The following NPAS3 variants were observed in gnomAD, a reference collection of about 807,000 sequenced individuals.
NPAS3 encodes the protein neuronal PAS domain-containing protein 3.
In NPAS3, 14 loss-of-function variants were observed where a neutral mutation model predicts 73.1. The observed-to-expected ratio is 0.19, with a 90% CI of 0.13 to 0.30. The LOEUF is 0.30. NPAS3 is among the 10% of genes least tolerant of loss of function. The probability of loss-of-function intolerance (pLI) is 1.00; values close to 1 mark genes in which losing one functional copy is unlikely to be tolerated. For missense variants in NPAS3, 1,096 were observed against 1,250.0 expected (o/e 0.88, Z 1.86); for synonymous variants, 620 against 541.5 (o/e 1.14, Z -2.01).
chr14:33,799,885 C>T (rs746274027), exon 12 of NPAS3: 5 of 1,614,078 alleles, frequency 3.1e-6, no homozygotes, highest in Non-Finnish European at 4.2e-6. Flanking sequence ...CGGACAGCCG[C>T]GACAGCGACG....
chr14:33,517,370 A>G (rs548927630), intron 4 of NPAS3, among the ~76,000 whole-genome samples: 2 of 152,074 alleles, frequency 1.3e-5, no homozygotes, highest in Admixed American at 6.6e-5. Context: ...TTACATTTAC[A>G]TGGTGCTCTA....
At chr14:33,349,187 C>A (rs1292537013) in intron 3 of NPAS3, among the ~76,000 whole-genome samples, 1 of 152,154 alleles carries the variant, frequency 6.6e-6, no homozygotes, top group Admixed American at 6.5e-5. Context: ...GAATTCTCTG[C>A]ACTTGAATGT....
At chr14:33,603,346 T>C (rs1417939639) in intron 5 of NPAS3, among the ~76,000 whole-genome samples, 2 of 152,190 alleles carry the variant, frequency 1.3e-5, no homozygotes, top group African/African-American at 4.8e-5. Context: ...ATCAGTGAGC[T>C]GGGGGACAAC....
At chr14:33,073,542 T>C (rs2041556608) in intron 2 of NPAS3, among the ~76,000 whole-genome samples, 2 of 152,270 alleles carry the variant, frequency 1.3e-5, no homozygotes, top group South Asian at 4.1e-4. Flanking sequence ...AGCAAACTTA[T>C]TTGTGGCTGT....
chr14:33,424,030 C>G (rs764784678), intron 4 of NPAS3, among the ~76,000 whole-genome samples: 1 of 151,926 alleles, frequency 6.6e-6, no homozygotes, highest in Non-Finnish European at 1.5e-5. Flanking sequence ...ATGAAGGTGA[C>G]AAAACACTCA....
intron 3 of NPAS3, among the ~76,000 whole-genome samples, chr14:33,321,360 G>C (rs1203224843): frequency 6.6e-6 from 1 of 152,094 alleles, no homozygotes; most frequent in Non-Finnish European, 1.5e-5. Context: ...ATGGGAAGTA[G>C]GGTGTTCCAG....
chr14:33,003,144 C>A (rs1166823335), intron 1 of NPAS3, among the ~76,000 whole-genome samples: 1 of 151,526 alleles, frequency 6.6e-6, no homozygotes, highest in Non-Finnish European at 1.5e-5. Context: ...CAGTGTTAGC[C>A]CTTTTTAATC....
rs563229772 is a variant in NPAS3, at chr14:32,990,941, A to G, written c.50+51575A>G. On this transcript the variant is annotated intron_variant, in intron 1 of 11. Transcript: ENST00000356141. ...CCATCTCAAAAACAAAAACAAAAACAAAAAAAAACAAGCCACTGATTGGAG... is the reference window on the plus strand; with the variant it reads ...CCATCTCAAAAACAAAAACAAAAACGAAAAAAAACAAGCCACTGATTGGAG... 7.0e-4 allele frequency among the ~76,000 whole-genome samples: 95 copies of G among 136,096 alleles called. 1 individual carries two copies. The highest frequency in any genetic ancestry group is 1.1e-3 in the Non-Finnish European group (71 of 66,686). The allele number at this position is 136,096 out of a possible 152,430, so 89.3% of individuals were successfully genotyped here. A position where few individuals can be genotyped will look rare whatever the true frequency, so the allele number is the denominator to read the frequency against.
chr14:33,295,170 G>C (rs1041865913), intron 3 of NPAS3, among the ~76,000 whole-genome samples: 1 of 152,046 alleles, frequency 6.6e-6, no homozygotes, highest in Non-Finnish European at 1.5e-5. Flanking sequence ...AACACCAAGG[G>C]ATTATTATAG....
intron 9 of NPAS3, among the ~76,000 whole-genome samples, chr14:33,784,745 A>ATTTATTTTATTT (rs1471526546): frequency 2.7e-5 from 2 of 73,840 alleles, no homozygotes; most frequent in African/African-American, 1.3e-4. Flanking sequence ...TTATTTATTT[A>ATTTATTTTATTT]TTTTTTTTTT....
At chr14:33,283,123 G>T (rs927540614) in intron 3 of NPAS3, among the ~76,000 whole-genome samples, 1 of 152,186 alleles carries the variant, frequency 6.6e-6, no homozygotes, top group African/African-American at 2.4e-5. Flanking sequence ...TCAAACAAAG[G>T]CTTGTTCCAT....
intron 2 of NPAS3, among the ~76,000 whole-genome samples, chr14:33,195,375 A>G (rs1419264255): frequency 1.3e-5 from 2 of 152,034 alleles, no homozygotes; most frequent in African/African-American, 4.8e-5. Context: ...GGTTCAAGCA[A>G]TTCTCCTGTG....
intron 3 of NPAS3, among the ~76,000 whole-genome samples, chr14:33,268,606 G>A (rs1224677894): frequency 6.6e-6 from 1 of 152,092 alleles, no homozygotes; most frequent in Non-Finnish European, 1.5e-5. Flanking sequence ...GTCACTCCAT[G>A]AGGAACTTAT....
intron 2 of NPAS3, among the ~76,000 whole-genome samples, chr14:33,115,921 T>A (rs929208756): frequency 6.6e-6 from 1 of 152,128 alleles, no homozygotes; most frequent in Admixed American, 6.6e-5. Flanking sequence ...GACTTTAAAA[T>A]GTCTTTTCTA....
chr14:33,477,917 A>C (rs2139675874), intron 4 of NPAS3, among the ~76,000 whole-genome samples: 2 of 152,286 alleles, frequency 1.3e-5, no homozygotes, highest in South Asian at 2.1e-4. Flanking sequence ...GTCTGGTCCA[A>C]GTAGAGTGCT....
At chr14:33,680,362 G>T (rs1245169857) in intron 6 of NPAS3, among the ~76,000 whole-genome samples, 1 of 151,914 alleles carries the variant, frequency 6.6e-6, no homozygotes, top group Non-Finnish European at 1.5e-5. Flanking sequence ...CTGAATTCAG[G>T]GAAAAAGGAG....
At chr14:33,510,837 C>T (rs143145963) in intron 4 of NPAS3, among the ~76,000 whole-genome samples, 2,191 of 152,122 alleles carry the variant, frequency 0.014, 37 homozygotes, top group Middle Eastern at 0.017. Flanking sequence ...AAAACGTACC[C>T]CCTCAGGCAA....
intron 2 of NPAS3, among the ~76,000 whole-genome samples, chr14:33,099,812 A>C (rs2042530138): frequency 1.3e-5 from 2 of 152,146 alleles, no homozygotes; most frequent in Admixed American, 6.6e-5. Flanking sequence ...CATTTTAATA[A>C]ATGGGAGAGA....
chr14:33,766,412 A>G (rs949605024), intron 7 of NPAS3, among the ~76,000 whole-genome samples: 1 of 152,194 alleles, frequency 6.6e-6, no homozygotes, highest in African/African-American at 2.4e-5. Context: ...CAAGTGAAAG[A>G]TCATGGAGTC....
Sources: gnomAD v4.1 joint callset for allele counts (sites outside exome capture counted in the v4.1 genomes callset) on GRCh38, gnomAD v4.1.1 for gene constraint, MANE v1.5 for transcripts, NCBI Gene and HGNC (gene_info 2026-07-23, HGNC 2026-07-21) for gene names.